NCAM1: variants seen among roughly 807,000 people sequenced by gnomAD.
The protein encoded by NCAM1 is neural cell adhesion molecule 1.
In NCAM1, 14 loss-of-function variants were observed where a neutral mutation model predicts 109.8. That is an observed-to-expected ratio of 0.13 (90% CI 0.08 to 0.20). NCAM1 has a LOEUF of 0.20. Ranked by LOEUF, NCAM1 falls within the 10% of genes least tolerant of loss-of-function variation. The pLI is 1.00. For synonymous variants in NCAM1, 418 were observed against 442.9 expected (o/e 0.94, Z 0.70); for missense variants, 774 against 1,109.9 (o/e 0.70, Z 4.30).
At chr11:113,205,367 G>A (rs1453448922) in intron 3 of NCAM1, among the ~76,000 whole-genome samples, 156 bp from the exon 4 acceptor site, 1 of 152,174 alleles carries the variant, frequency 6.6e-6, no homozygotes, top group Admixed American at 6.5e-5. Flanking sequence ...TGGGCCAGCT[G>A]CTCTGCCTGA....
intron 8 of NCAM1, among the ~76,000 whole-genome samples, chr11:113,219,747 C>T (rs1555114928): frequency 2.0e-5 from 3 of 152,210 alleles, no homozygotes; most frequent in Non-Finnish European, 4.4e-5. Flanking sequence ...AAAAAACATA[C>T]AACTCAATGT....
chr11:113,221,395 T>G, intron 9 of NCAM1, 70 bp downstream of exon 9: 1 of 1,476,316 alleles, frequency 6.8e-7, no homozygotes, highest in Non-Finnish European at 9.3e-7. Context: ...CCATTGCAGT[T>G]TAATAACCAG....
chr11:113,055,010 C>T (rs1267495303), intron 1 of NCAM1, among the ~76,000 whole-genome samples: 1 of 152,158 alleles, frequency 6.6e-6, no homozygotes, highest in Non-Finnish European at 1.5e-5. Flanking sequence ...TTGTCACAGG[C>T]TGCTGTTTGC....
chr11:113,058,197 T>C (rs1555082911), intron 1 of NCAM1, among the ~76,000 whole-genome samples: 1 of 151,852 alleles, frequency 6.6e-6, no homozygotes, highest in Admixed American at 6.6e-5. Flanking sequence ...CGCAGGAGAA[T>C]CACTTGAATC....
chr11:113,089,421 C>T lies in NCAM1; in HGVS notation c.53-112958C>T, dbSNP rs1457882596. On this transcript the variant is annotated intron_variant, in intron 1 of 19. Coordinates refer to ENST00000316851, the MANE Select transcript of NCAM1 (RefSeq NM_181351.5). ...GCATAAAAGCTATTAATTAAGTTTA[C>T]GTTTACTAAATTGAACAACTGTGGT... 5.3e-5 allele frequency among the ~76,000 whole-genome samples: 8 copies of T among 151,350 alleles called. No homozygotes were observed. In the South Asian group the frequency reaches 8.4e-4, roughly 16 times the overall value.
Position 113,155,326 on chromosome 11 carries a change from T to C in NCAM1, c.53-47053T>C, listed in dbSNP as rs375559223. On this transcript the variant is annotated intron_variant, in intron 1 of 19. Transcript: ENST00000316851. ...TGAGGTCATGAGTTCAAGACCAACA[T>C]AGTGAAACCCCGTCTGTATTAAAAA... Among the ~76,000 whole-genome samples the C allele has an allele frequency of 2.3e-4, 35 of 152,100 alleles. 1 individual carries two copies. The South Asian group carries it at 7.1e-3, about 31-fold the overall frequency.
intron 1 of NCAM1, among the ~76,000 whole-genome samples, chr11:112,970,771 C>A (rs748209912): frequency 3.0e-4 from 46 of 151,936 alleles, no homozygotes; most frequent in Non-Finnish European, 6.3e-4. Context: ...ATTAAAGAAA[C>A]CCAACTATGA....
intron 9 of NCAM1, among the ~76,000 whole-genome samples, chr11:113,230,051 G>A (rs1555116920): frequency 1.3e-5 from 2 of 151,692 alleles, no homozygotes; most frequent in African/African-American, 4.9e-5. Context: ...CCTGCACGTT[G>A]TGCACATGTA....
chr11:113,122,470 C>A (rs1228830248), intron 1 of NCAM1, among the ~76,000 whole-genome samples: 1 of 152,084 alleles, frequency 6.6e-6, no homozygotes, highest in Admixed American at 6.6e-5. Context: ...TTTGGTGGAA[C>A]CTCACTTGTT....
At position 113,270,373 on chromosome 11, in the gene NCAM1, G is replaced by A; in HGVS notation, c.2317G>A (p.Glu773Lys). 6.2e-7 allele frequency: 1 copy of A among 1,614,038 alleles called. No homozygotes were observed. Reference sequence around the variant, plus strand: ...GCCCGGGGCCAAGGGCAAGGACATGGAGGAGGGCAAGGCCGCCTTCTCGTG... The same window carrying A: ...GCCCGGGGCCAAGGGCAAGGACATGAAGGAGGGCAAGGCCGCCTTCTCGTG... ...AGPGAKGKDM[E>K]EGKAAFSKDE... Residue 773 changes from glutamate (E) to lysine (K), a missense_variant, in exon 18 of 20, where the codon GAG becomes AAG. This residue lies in a region of NCAM1 where 122 missense variants were observed against 129.7 expected (regional missense o/e 0.94). Transcript: ENST00000316851.
At chr11:113,056,023 AT>A (rs1555082529) in intron 1 of NCAM1, among the ~76,000 whole-genome samples, 21 of 125,048 alleles carry the variant, frequency 1.7e-4, no homozygotes, top group South Asian at 2.6e-4. Context: ...ATATATATAT[AT>A]AAAATATATA....
At position 113,231,210 on chromosome 11, in the gene NCAM1, G is replaced by C. The variant is rs149464405; in HGVS notation, c.1090-435G>C. The C allele has an allele frequency of 5.4e-4, 822 of 1,536,130 alleles. 3 individuals carry two copies. The African/African-American group carries it at 9.1e-3, about 17-fold the overall frequency. The stretch of plus-strand genomic sequence containing the variant: ...TCCTGCCACAGGTACATGCACCATG[G>C]AACTGGCAAGTGGGCAGACAGAAAG... On this transcript the variant is annotated intron_variant, in intron 9 of 19. Transcript: ENST00000316851.
At chr11:113,216,696 C>T (rs1944542170) in intron 8 of NCAM1, among the ~76,000 whole-genome samples, 1 of 152,238 alleles carries the variant, frequency 6.6e-6, no homozygotes, top group African/African-American at 2.4e-5. Flanking sequence ...ATGAGTGAAT[C>T]GGTATTAAAA....
intron 1 of NCAM1, among the ~76,000 whole-genome samples, chr11:113,045,233 C>T (rs1314744135): frequency 2.0e-5 from 3 of 152,146 alleles, no homozygotes; most frequent in Admixed American, 2.0e-4. Flanking sequence ...GTTTGTTTCC[C>T]CTGTCAGTAA....
chr11:113,210,775 A>AATACACAC (rs1944364186), intron 7 of NCAM1, among the ~76,000 whole-genome samples: 2 of 130,980 alleles, frequency 1.5e-5, no homozygotes, highest in African/African-American at 5.8e-5. Flanking sequence ...CTTCATCACA[A>AATACACAC]ACACACACAC....
At chr11:113,009,161 T>A (rs1214256917) in intron 1 of NCAM1, among the ~76,000 whole-genome samples, 1 of 152,036 alleles carries the variant, frequency 6.6e-6, no homozygotes, top group Non-Finnish European at 1.5e-5. Context: ...CGTTTTTTTC[T>A]TTTTCAAATA....
At chr11:113,196,811 G>A (rs1052026021) in intron 1 of NCAM1, among the ~76,000 whole-genome samples, 1 of 152,308 alleles carries the variant, frequency 6.6e-6, no homozygotes, top group African/African-American at 2.4e-5. Flanking sequence ...GTTTGGTGGT[G>A]AAGAGACCCT....
intron 1 of NCAM1, among the ~76,000 whole-genome samples, chr11:113,057,814 T>A (rs1451918733): frequency 5.3e-5 from 8 of 152,196 alleles, no homozygotes; most frequent in African/African-American, 1.9e-4. Flanking sequence ...CATGTTGGAT[T>A]TGAGTGCATG....
At chr11:113,218,320 G>T (rs1190901547) in intron 8 of NCAM1, among the ~76,000 whole-genome samples, 1 of 152,124 alleles carries the variant, frequency 6.6e-6, no homozygotes, top group Non-Finnish European at 1.5e-5. Context: ...CAGAAGGTAG[G>T]CCACTTGATG....
Sources: gnomAD v4.1 joint callset for allele counts (sites outside exome capture counted in the v4.1 genomes callset) on GRCh38, gnomAD v4.1.1 for gene constraint, gnomAD v4.1.1 regional missense constraint, MANE v1.5 for transcripts, NCBI Gene and HGNC (gene_info 2026-07-23, HGNC 2026-07-21) for gene names.